The following RUNX1 variants were observed in gnomAD, a reference collection of about 807,000 sequenced individuals.
RUNX1 encodes RUNX family transcription factor 1, also known as runt-related transcription factor 1.
Under a neutral mutation model 42.8 loss-of-function variants are expected in RUNX1, and 19 were observed. The ratio of observed to expected loss-of-function variants is 0.44; its 90% CI spans 0.31 to 0.65. The LOEUF (loss-of-function observed/expected upper bound fraction) is 0.65, where lower values mean the gene tolerates loss of function less well. Among genes scored for constraint, RUNX1 ranks in the 30% least tolerant of loss-of-function variants. RUNX1 has a pLI of 0.07. For synonymous variants in RUNX1, 271 were observed against 289.4 expected, an observed-to-expected ratio of 0.94 and a Z score of 0.64; for missense variants, 528 against 672.0, an observed-to-expected ratio of 0.79 and a Z score of 2.37.
chr21:34,973,013 T>C (rs777133207), intron 2 of RUNX1, among the ~76,000 whole-genome samples: 1 of 152,222 alleles, frequency 6.6e-6, no homozygotes, highest in Non-Finnish European at 1.5e-5. Flanking sequence ...TGAGAGCTCT[T>C]GTTGTGTACT....
At chr21:35,036,271 G>T (rs1251384495) in intron 2 of RUNX1, among the ~76,000 whole-genome samples, 1 of 152,156 alleles carries the variant, frequency 6.6e-6, no homozygotes, top group Admixed American at 6.5e-5. Context: ...GGAGCTTTAT[G>T]ATTTTATTAT....
At chr21:34,949,162 G>A (rs1418343721) in intron 2 of RUNX1, among the ~76,000 whole-genome samples, 1 of 152,162 alleles carries the variant, frequency 6.6e-6, no homozygotes, top group Non-Finnish European at 1.5e-5. Flanking sequence ...ATGAACAGAT[G>A]TGTGTGATGT....
chr21:34,932,482 C>T (rs1163632593), intron 2 of RUNX1, among the ~76,000 whole-genome samples: 2 of 152,164 alleles, frequency 1.3e-5, no homozygotes, highest in African/African-American at 2.4e-5. Context: ...CTGCATATCA[C>T]TTTCCATATA....
intron 7 of RUNX1, chr21:34,834,182 G>C (rs1485834373): frequency 7.1e-6 from 5 of 700,950 alleles, no homozygotes; most frequent in Non-Finnish European, 1.3e-5. Context: ...GCTTTTCCTT[G>C]TGGGGATCTG....
intron 7 of RUNX1, among the ~76,000 whole-genome samples, chr21:34,823,430 G>GTTTTTTTTTTTTTTTTTT (rs56957776): frequency 1.0e-5 from 1 of 99,712 alleles, no homozygotes; most frequent in Non-Finnish European, 1.8e-5. Context: ...TTCCTGGTGG[G>GTTTTTTTTTTTTTTTTTT]TTTTTTTTTT....
intron 4 of RUNX1, among the ~76,000 whole-genome samples, chr21:34,883,763 G>C (rs546260019): frequency 6.6e-6 from 1 of 152,054 alleles, no homozygotes. Context: ...GCCTGTTCAC[G>C]GTCCAAACTG....
chr21:34,835,885 G>A (rs1338202929), intron 6 of RUNX1, among the ~76,000 whole-genome samples: 1 of 152,170 alleles, frequency 6.6e-6, no homozygotes. Flanking sequence ...AGCAGACCAC[G>A]AGAAGTGCAC....
chr21:35,027,658 G>A (rs571236916), intron 2 of RUNX1, among the ~76,000 whole-genome samples: 1 of 152,340 alleles, frequency 6.6e-6, no homozygotes, highest in East Asian at 1.9e-4. Context: ...GGGGATTCGG[G>A]AGAGTTGAAG....
At position 34,969,944 on chromosome 21, in the gene RUNX1, G is replaced by T. The variant is rs1026619083; in HGVS notation, c.59-76981C>A. ...ATTTTACAAGGTATGGATCATATCTGTTCTGGGGATTTTGACATTTCTTGC... is the reference window on the plus strand; with the variant it reads ...ATTTTACAAGGTATGGATCATATCTTTTCTGGGGATTTTGACATTTCTTGC... On this transcript the variant is annotated intron_variant, in intron 2 of 8. Transcript: ENST00000675419. Among the ~76,000 whole-genome samples the T allele has an allele frequency of 9.2e-5, 14 of 152,190 alleles. 1 individual carries two copies. The highest frequency in any genetic ancestry group is 3.1e-4 in the African/African-American group (13 of 41,456).
rs1201995651 is a variant in RUNX1, at chr21:34,846,194, C to CTTCTTTTTTTTT, written c.614-11594_614-11593insAAAAAAAAAGAA. Among the ~76,000 whole-genome samples the CTTCTTTTTTTTT allele has an allele frequency of 7.3e-4, 75 of 102,256 alleles. 5 individuals are homozygous for CTTCTTTTTTTTT. Among genetic ancestry groups the CTTCTTTTTTTTT allele is most frequent in the Non-Finnish European group, 1.1e-3 (55 of 50,470 alleles). The allele number at this position is 102,256 out of a possible 152,430, so 67.1% of individuals were successfully genotyped here. On this transcript the variant is annotated intron_variant, in intron 6 of 8. Coordinates refer to ENST00000675419, the MANE Select transcript of RUNX1 (RefSeq NM_001754.5). ...GAGTACTTTGTGGGTTTAAGGATGT[C>CTTCTTTTTTTTT]TTTTTTTTTTTTTTTTTTTTTCAAA...
rs1156984144 is a variant in RUNX1 at position 35,038,537 on chromosome 21, A to G, written c.58+10305T>C. ...CAGTACATCCTGGGGAGAAGTCCCA[A>G]TGGATTCCCTAAGCATGGGAATTTT... On this transcript the variant is annotated intron_variant, in intron 2 of 8. Coordinates refer to ENST00000675419, the MANE Select transcript of RUNX1 (RefSeq NM_001754.5). The G allele has an allele frequency of 2.9e-5, 13 of 452,362 alleles. 1 individual carries two copies. The highest frequency in any genetic ancestry group is 1.9e-4 in the Admixed American group (8 of 42,124). The allele number at this position is 452,362 out of a possible 1,614,324, so 28.0% of individuals were successfully genotyped here.
intron 2 of RUNX1, among the ~76,000 whole-genome samples, chr21:34,936,892 T>C (rs2058489993): frequency 2.0e-5 from 3 of 152,148 alleles, no homozygotes; most frequent in Admixed American, 6.6e-5. Context: ...CTATAATTTA[T>C]GGTGGTTTAG....
intron 2 of RUNX1, among the ~76,000 whole-genome samples, chr21:34,987,137 C>T (rs959681288): frequency 4.6e-5 from 7 of 152,194 alleles, no homozygotes; most frequent in South Asian, 4.1e-4. Context: ...GAAAGAGGAA[C>T]GTTGTTTTGA....
Position 34,901,358 on chromosome 21 carries a change from A to G in RUNX1, c.59-8395T>C, listed in dbSNP as rs563118591. Among the ~76,000 whole-genome samples, 1 of 152,150 alleles carries G rather than the reference A, an allele frequency of 6.6e-6. No individual in the cohort carries two copies. The highest frequency in any genetic ancestry group is 1.9e-4 in the East Asian group (1 of 5,174). On this transcript the variant is annotated intron_variant, in intron 2 of 8. Transcript: ENST00000675419. This position sits in a 1 kb window ranked among gnomAD's most constrained non-coding sequence, Gnocchi z 4.3. ...AACCCCGTCTCTACTGAAAATAAAA[A>G]AAGTAGCTGGGCGTGGTGGCGGCGC...
At chr21:35,028,966 C>T (rs2059255228) in intron 2 of RUNX1, among the ~76,000 whole-genome samples, 1 of 152,106 alleles carries the variant, frequency 6.6e-6, no homozygotes, top group African/African-American at 2.4e-5. Context: ...CATCTGTCTG[C>T]AGTGTGAATT....
At chr21:34,911,224 G>A (rs116876623) in intron 2 of RUNX1, among the ~76,000 whole-genome samples, 1,790 of 152,274 alleles carry the variant, frequency 0.012, 17 homozygotes, top group Non-Finnish European at 0.018. Context: ...GAGAAGAAGA[G>A]TAGGTGCTTA....
At position 34,792,276 on chromosome 21, in the gene RUNX1, G is replaced by T. The variant is rs1228065635; in HGVS notation, c.1302C>A (p.Asn434Lys). The T allele has an allele frequency of 1.3e-6, 2 of 1,541,138 alleles. No homozygotes were observed. ...TGAGCAGCGCGGAGCCGGTGGAGGC[G>T]TTGGTGCAGGGCGGCAGGATGCGCG... The part of the protein sequence containing the change: ...SPPRILPPCT[N>K]ASTGSALLNP... Residue 434 changes from asparagine to lysine, a missense_variant, in exon 9 of 9, where the codon AAC (asparagine) becomes AAA (lysine). By Grantham distance (94) the Asn-to-Lys change is moderately conservative (BLOSUM62 0). Coordinates refer to ENST00000675419, the MANE Select transcript of RUNX1 (RefSeq NM_001754.5). This position sits in a 1 kb window ranked among gnomAD's most constrained non-coding sequence, Gnocchi z 6.9.
rs1325925876 is a variant in RUNX1 at position 34,887,243 on chromosome 21, G to C, written c.98-147C>G. On this transcript the variant is annotated intron_variant, in intron 3 of 8. Transcript: ENST00000675419. ...AGGGGCCTTTATTACTGCGGGGGGT[G>C]GGGGGGGGCGGGGGTGGTTAGGGGA... 10 of 767,622 alleles carry C rather than the reference G, an allele frequency of 1.3e-5. No homozygotes were observed. The East Asian group carries it at 1.8e-4, about 14-fold the overall frequency. The allele number at this position is 767,622 out of a possible 1,614,324, so 47.6% of individuals were successfully genotyped here.
At chr21:34,924,582 C>A (rs1203533221) in intron 2 of RUNX1, among the ~76,000 whole-genome samples, 1 of 152,124 alleles carries the variant, frequency 6.6e-6, no homozygotes, top group African/African-American at 2.4e-5. Flanking sequence ...TTGGGAGACT[C>A]CTATGCGGTT....
Sources: allele counts gnomAD v4.1 joint callset (sites outside exome capture counted in the v4.1 genomes callset), GRCh38; gene constraint gnomAD v4.1.1; non-coding constraint Gnocchi (gnomAD v3.1); transcripts MANE v1.5; gene names NCBI Gene and HGNC (gene_info 2026-07-23, HGNC 2026-07-21).